The following CGNL1 variants were observed in gnomAD, a reference collection of about 807,000 sequenced individuals.
CGNL1 encodes the protein cingulin like 1, also known as cingulin-like protein 1.
A neutral mutation model predicts 141.2 loss-of-function variants in CGNL1; 132 were observed. That is an observed-to-expected ratio of 0.93 (90% CI 0.81 to 1.08). CGNL1 has a LOEUF of 1.08. CGNL1 is among the 50% of genes least tolerant of loss of function. The pLI, the probability that CGNL1 is intolerant of heterozygous loss-of-function variation, is 0.00. For missense variants in CGNL1, 1,870 were observed against 1,588.6 expected (o/e 1.18, Z -3.01); for synonymous variants, 690 against 622.1 (o/e 1.11, Z -1.63).
Position 57,547,657 on chromosome 15 carries a change from G to C in CGNL1, c.*167G>C. On this transcript the variant is annotated 3_prime_UTR_variant, in exon 19 of 19. Coordinates refer to ENST00000281282, the MANE Select transcript of CGNL1 (RefSeq NM_032866.5). Reference sequence around the variant, plus strand: ...CATTCCTCGCCAGGGTCTCTCAGTGGGTCTTCGACAGAGAGCTTTTGCAGT... The same window carrying C: ...CATTCCTCGCCAGGGTCTCTCAGTGCGTCTTCGACAGAGAGCTTTTGCAGT... 1 of 718,050 alleles carries C rather than the reference G, an allele frequency of 1.4e-6. No individual in the cohort carries two copies. Among genetic ancestry groups the C allele is most frequent in the Non-Finnish European group, 2.2e-6 (1 of 456,916 alleles). 44.5% of individuals were successfully genotyped at this position (718,050 alleles called of 1,614,324 possible).
intron 1 of CGNL1, among the ~76,000 whole-genome samples, chr15:57,421,739 C>G (rs918426422): frequency 6.6e-6 from 1 of 152,086 alleles, no homozygotes; most frequent in Admixed American, 6.5e-5. Context: ...GGTCCCGTCC[C>G]TGCTCTTCAG....
chr15:57,520,304 C>T (rs909548640), intron 10 of CGNL1, among the ~76,000 whole-genome samples: 7 of 152,228 alleles, frequency 4.6e-5, no homozygotes, highest in African/African-American at 1.7e-4. Flanking sequence ...GTTACTCTTT[C>T]TATGCACCTC....
At chr15:57,393,272 C>G (rs1595655313) in intron 1 of CGNL1, among the ~76,000 whole-genome samples, 1 of 152,098 alleles carries the variant, frequency 6.6e-6, no homozygotes, top group Admixed American at 6.6e-5. Context: ...CACCGGATAC[C>G]CACTTTATTC....
At chr15:57,454,210 T>C (rs1469684310) in intron 7 of CGNL1, among the ~76,000 whole-genome samples, 2 of 152,236 alleles carry the variant, frequency 1.3e-5, no homozygotes, top group Non-Finnish European at 2.9e-5. Flanking sequence ...AACATTATCA[T>C]CACCTGTATT....
At chr15:57,378,382 T>TTTTTG (rs1894098067) in intron 1 of CGNL1, among the ~76,000 whole-genome samples, 1 of 115,346 alleles carries the variant, frequency 8.7e-6, no homozygotes, top group African/African-American at 3.3e-5. Context: ...TTTTTTTTTT[T>TTTTTG]TTTTTTTTTT....
At chr15:57,432,202 A>C (rs1222466698) in intron 1 of CGNL1, among the ~76,000 whole-genome samples, 1 of 152,210 alleles carries the variant, frequency 6.6e-6, no homozygotes, top group Non-Finnish European at 1.5e-5. Context: ...TGAAGGTTTC[A>C]GATTGCCTGG....
chr15:57,408,084 T>C (rs1466230086), intron 1 of CGNL1, among the ~76,000 whole-genome samples: 3 of 152,046 alleles, frequency 2.0e-5, no homozygotes, highest in African/African-American at 7.3e-5. Context: ...TTTCAAAATA[T>C]GTGGCAGTGA....
chr15:57,438,461 C>T lies in CGNL1; in HGVS notation c.462C>T (p.Pro154=), dbSNP rs267604268. 1 of 1,614,196 alleles carries T rather than the reference C, an allele frequency of 6.2e-7. No individual in the cohort carries two copies. Among genetic ancestry groups the T allele is most frequent in the East Asian group, 2.2e-5 (1 of 44,884 alleles). Residue 154 remains proline, a synonymous_variant, in exon 2 of 19, where the codon CCC becomes CCT. Transcript: ENST00000281282. ...AGAGGCATCCAGAGCTTTTGCAACC[C>T]TATGACCCTGAAAAGAATGAGTTGA... ...NFQRHPELLQ[P]YDPEKNELNL... is the part of the protein sequence containing the mutation.
intron 4 of CGNL1, among the ~76,000 whole-genome samples, chr15:57,445,487 C>T (rs1470728070): frequency 6.6e-6 from 1 of 152,192 alleles, no homozygotes; most frequent in Non-Finnish European, 1.5e-5. Context: ...TAAGAACCCT[C>T]TCCCTTAGGG....
intron 1 of CGNL1, among the ~76,000 whole-genome samples, chr15:57,383,449 C>T (rs1358924443): frequency 5.3e-5 from 8 of 151,746 alleles, no homozygotes; most frequent in African/African-American, 1.9e-4. Flanking sequence ...CAGGCACGTG[C>T]CACGACGCCC....
chr15:57,497,246 A>T (rs1407380769), intron 8 of CGNL1, among the ~76,000 whole-genome samples: 1 of 152,148 alleles, frequency 6.6e-6, no homozygotes, highest in East Asian at 1.9e-4. Flanking sequence ...CTTTGGCAAG[A>T]GGGCCTCTTT....
intron 1 of CGNL1, among the ~76,000 whole-genome samples, chr15:57,378,359 ATG>A (rs1567082633): frequency 8.9e-5 from 3 of 33,522 alleles, no homozygotes; most frequent in Non-Finnish European, 1.3e-4. Flanking sequence ...GTGGCCCTCT[ATG>A]TGTTTTTTTT....
At chr15:57,500,756 C>T (rs2064012934) in intron 8 of CGNL1, among the ~76,000 whole-genome samples, 1 of 152,182 alleles carries the variant, frequency 6.6e-6, no homozygotes, top group Non-Finnish European at 1.5e-5. Flanking sequence ...TTAGCCAGGA[C>T]AGACTTTTTA....
At chr15:57,506,133 T>A (rs1005898407) in intron 8 of CGNL1, among the ~76,000 whole-genome samples, 1 of 152,200 alleles carries the variant, frequency 6.6e-6, no homozygotes, top group Non-Finnish European at 1.5e-5. Context: ...TGTAAAGCCA[T>A]GTGGTCTGTC....
At chr15:57,546,051 C>G in intron 17 of CGNL1, 25 bp from the exon 18 acceptor site, 1 of 1,601,008 alleles carries the variant, frequency 6.2e-7, no homozygotes, top group Admixed American at 1.7e-5. Context: ...AGCCGGCACT[C>G]AGCCCACATT....
At chr15:57,524,473 G>C in intron 11 of CGNL1, 108 bp from the exon 12 acceptor site, 1 of 1,031,416 alleles carries the variant, frequency 9.7e-7, no homozygotes, top group Admixed American at 2.3e-5. Context: ...CTTTGAGGGG[G>C]CCATAGAAGA....
At chr15:57,430,695 G>C (rs1385277181) in intron 1 of CGNL1, among the ~76,000 whole-genome samples, 1 of 152,120 alleles carries the variant, frequency 6.6e-6, no homozygotes, top group East Asian at 1.9e-4. Context: ...AGGCCATGTG[G>C]ATCAGATGAG....
rs1225917551 is a variant in CGNL1, at chr15:57,394,891, C to T, written c.-16+18324C>T. 2.6e-5 allele frequency among the ~76,000 whole-genome samples: 4 copies of T among 152,212 alleles called. No homozygotes were observed. The South Asian group carries it at 6.2e-4, about 24-fold the overall frequency. Reference sequence around the variant, plus strand: ...CTTTGGGAGGCTGAGATGGGAGGCTCACTTGAGGTTAGGAGTTCGAGACCA... The same window carrying T: ...CTTTGGGAGGCTGAGATGGGAGGCTTACTTGAGGTTAGGAGTTCGAGACCA... On this transcript the variant is annotated intron_variant, in intron 1 of 18. Transcript: ENST00000281282.
Position 57,438,766 on chromosome 15 carries a change from C to T in CGNL1, c.767C>T (p.Pro256Leu), listed in dbSNP as rs1044737318. 5.6e-6 allele frequency: 9 copies of T among 1,614,116 alleles called. No homozygotes were observed. The East Asian group carries it at 1.3e-4, about 24-fold the overall frequency. ...GAGGCCCTTTTCACTAGCGGGAGGC[C>T]CCTGACTGCCCACAGCCCACATGCC... ...GEEALFTSGR[P>L]LTAHSPHAHP... is the part of the protein sequence containing the mutation. The change falls in exon 2 of 19, where the codon CCC (proline) becomes CTC (leucine). Residue 256 changes from proline (P) to leucine (L), a missense_variant. Transcript: ENST00000281282.
Sources: allele counts gnomAD v4.1 joint callset (sites outside exome capture counted in the v4.1 genomes callset), GRCh38; gene constraint gnomAD v4.1.1; transcripts MANE v1.5; gene names NCBI Gene and HGNC (gene_info 2026-07-23, HGNC 2026-07-21).